Variants in CNTNAP2 observed in about 807,000 individuals in gnomAD.
CNTNAP2 encodes contactin-associated protein-like 2.
In CNTNAP2, 98 loss-of-function variants were observed where a neutral mutation model predicts 155.2. The observed-to-expected ratio is 0.63, with a 90% CI of 0.54 to 0.75. CNTNAP2 has a LOEUF of 0.75. Ranked by LOEUF, CNTNAP2 falls within the 30% of genes least tolerant of loss-of-function variation. CNTNAP2 has a pLI of 0.00. For synonymous variants in CNTNAP2, 651 were observed against 631.2 expected, an observed-to-expected ratio of 1.03 and a Z score of -0.47; for missense variants, 1,727 against 1,688.1, an observed-to-expected ratio of 1.02 and a Z score of -0.40.
At chr7:146,523,758 C>T (rs574492903) in intron 1 of CNTNAP2, among the ~76,000 whole-genome samples, 6 of 152,202 alleles carry the variant, frequency 3.9e-5, no homozygotes, top group Non-Finnish European at 5.9e-5. Flanking sequence ...GCAACCCTGT[C>T]GAACTATTGG....
chr7:146,693,345 A>T (rs17170216), intron 1 of CNTNAP2, among the ~76,000 whole-genome samples: 6,889 of 152,154 alleles, frequency 0.045, 169 homozygotes, highest in Middle Eastern at 0.095. Flanking sequence ...ACCAAAAAAA[A>T]ATCTGCAAGC....
intron 1 of CNTNAP2, among the ~76,000 whole-genome samples, chr7:146,560,385 A>G (rs1415057376): frequency 1.3e-5 from 2 of 152,016 alleles, no homozygotes; most frequent in Non-Finnish European, 2.9e-5. Flanking sequence ...ATATGTGTGT[A>G]TATATGTATG....
chr7:148,347,278 C>CA (rs1798345211), intron 21 of CNTNAP2, among the ~76,000 whole-genome samples: 1 of 149,428 alleles, frequency 6.7e-6, no homozygotes, highest in Non-Finnish European at 1.5e-5. Flanking sequence ...AAAGAGAAAA[C>CA]AAAAAACCAA....
chr7:148,409,268 G>A, intron 22 of CNTNAP2, 123 bp from the exon 23 acceptor site: 1 of 789,356 alleles, frequency 1.3e-6, no homozygotes, highest in Non-Finnish European at 2.2e-6. Flanking sequence ...GGGTCCATCT[G>A]AAATGGAGAT....
intron 13 of CNTNAP2, among the ~76,000 whole-genome samples, chr7:147,697,354 G>T (rs1384247288): frequency 6.6e-6 from 1 of 151,594 alleles, no homozygotes; most frequent in Non-Finnish European, 1.5e-5. Context: ...TAATTCCAAC[G>T]TCCCTACCAT....
chr7:147,288,576 G>C (rs188277067), intron 8 of CNTNAP2, among the ~76,000 whole-genome samples: 2 of 152,186 alleles, frequency 1.3e-5, no homozygotes, highest in African/African-American at 4.8e-5. Context: ...TGATCATCAC[G>C]TGCTTCTTCC....
intron 11 of CNTNAP2, among the ~76,000 whole-genome samples, chr7:147,494,097 C>T (rs929890118): frequency 1.3e-5 from 1 of 77,456 alleles, no homozygotes; most frequent in African/African-American, 4.6e-5. Flanking sequence ...TTCCTGAAAT[C>T]ACTTTTTGCA....
chr7:148,326,895 T>C (rs1165167072), intron 21 of CNTNAP2, among the ~76,000 whole-genome samples: 1 of 149,472 alleles, frequency 6.7e-6, no homozygotes, highest in African/African-American at 2.5e-5. Flanking sequence ...GCAAATGGAA[T>C]GAAGAACCTC....
chr7:146,981,747 A>G (rs908600704), intron 3 of CNTNAP2, among the ~76,000 whole-genome samples: 3 of 152,192 alleles, frequency 2.0e-5, no homozygotes, highest in Admixed American at 2.0e-4. Flanking sequence ...ACTTTGGAGG[A>G]GGAAGGTATG....
At chr7:147,222,889 T>C (rs1286638096) in intron 8 of CNTNAP2, among the ~76,000 whole-genome samples, 1 of 151,870 alleles carries the variant, frequency 6.6e-6, no homozygotes, top group Non-Finnish European at 1.5e-5. Flanking sequence ...GTTATTTCCT[T>C]TCTTCCAGGA....
At chr7:148,397,300 G>A (rs1264270833) in intron 22 of CNTNAP2, among the ~76,000 whole-genome samples, 1 of 152,202 alleles carries the variant, frequency 6.6e-6, no homozygotes, top group Non-Finnish European at 1.5e-5. Flanking sequence ...AGGATTCCTG[G>A]TGTGCATCAG....
chr7:148,191,086 A>G lies in CNTNAP2; in HGVS notation c.3010+18608A>G, dbSNP rs555170392. On this transcript the variant is annotated intron_variant, in intron 18 of 23. Coordinates refer to ENST00000361727, the MANE Select transcript of CNTNAP2 (RefSeq NM_014141.6). ...TGCTAAGGATTGAATGTGTCCCCCAAAAAGCATGCACTAGAAATGTAATCT... is the reference window on the plus strand; with the variant it reads ...TGCTAAGGATTGAATGTGTCCCCCAGAAAGCATGCACTAGAAATGTAATCT... 1.2e-4 allele frequency among the ~76,000 whole-genome samples: 18 copies of G among 152,284 alleles called. No homozygotes were observed. In the South Asian group the frequency reaches 2.1e-3, roughly 18 times the overall value.
intron 3 of CNTNAP2, among the ~76,000 whole-genome samples, chr7:146,934,532 G>T (rs941339864): frequency 1.3e-5 from 2 of 151,754 alleles, no homozygotes; most frequent in African/African-American, 4.8e-5. Flanking sequence ...ACACTAGCAT[G>T]GCACATGTAT....
At chr7:148,038,782 A>G (rs962788318) in intron 15 of CNTNAP2, among the ~76,000 whole-genome samples, 3 of 137,180 alleles carry the variant, frequency 2.2e-5, no homozygotes, top group Non-Finnish European at 3.2e-5. Context: ...CAACTGTTTT[A>G]GGCTTCTCCA....
chr7:147,871,769 G>T (rs1269009187), intron 13 of CNTNAP2, among the ~76,000 whole-genome samples: 3 of 150,910 alleles, frequency 2.0e-5, no homozygotes, highest in African/African-American at 7.3e-5. Flanking sequence ...TTCACTTTGA[G>T]ACTATGTGAG....
chr7:146,143,033 A>G (rs558466679), intron 1 of CNTNAP2, among the ~76,000 whole-genome samples: 1 of 152,100 alleles, frequency 6.6e-6, no homozygotes, highest in Non-Finnish European at 1.5e-5. Context: ...CTCTCAAATG[A>G]TTTTCCAAAT....
At chr7:146,128,374 T>G (rs1036137029) in intron 1 of CNTNAP2, among the ~76,000 whole-genome samples, 6 of 152,150 alleles carry the variant, frequency 3.9e-5, no homozygotes, top group African/African-American at 1.4e-4. Flanking sequence ...CTTTATACAG[T>G]TCTTACTTTT....
chr7:147,471,227 C>A (rs944168473), intron 10 of CNTNAP2, among the ~76,000 whole-genome samples: 6 of 152,152 alleles, frequency 3.9e-5, no homozygotes, highest in Admixed American at 3.9e-4. Context: ...CATCACCTTG[C>A]ACTCTTGCAT....
chr7:148,042,655 T>C lies in CNTNAP2; in HGVS notation c.2383+64666T>C, dbSNP rs188207015. On this transcript the variant is annotated intron_variant, in intron 15 of 23. Transcript: ENST00000361727. ...CTTATTTGCTGCTTTTCACAGACAC[T>C]AGACCATACCACCTCCTGGGTATTC... 3.9e-5 allele frequency among the ~76,000 whole-genome samples: 6 copies of C among 152,310 alleles called. No individual in the cohort carries two copies. The South Asian group carries it at 6.2e-4, about 16-fold the overall frequency.
Sources: allele counts gnomAD v4.1 joint callset (sites outside exome capture counted in the v4.1 genomes callset), GRCh38; gene constraint gnomAD v4.1.1; transcripts MANE v1.5; gene names NCBI Gene and HGNC (gene_info 2026-07-23, HGNC 2026-07-21).